Variants in DZANK1 observed in about 807,000 individuals in gnomAD.
DZANK1 encodes the protein double zinc ribbon and ankyrin repeat-containing protein 1.
Under a neutral mutation model 94.5 loss-of-function variants are expected in DZANK1, and 91 were observed. The ratio of observed to expected loss-of-function variants is 0.96; its 90% CI spans 0.81 to 1.15. The LOEUF is 1.15. DZANK1 is among the 50% of genes most tolerant of loss of function. The pLI, the probability that DZANK1 is intolerant of heterozygous loss-of-function variation, is 0.00. For missense variants in DZANK1, 903 were observed against 916.4 expected (o/e 0.99, Z 0.19); for synonymous variants, 312 against 325.3 (o/e 0.96, Z 0.44).
chr20:18,415,203 T>G (rs2057431396), intron 11 of DZANK1, 124 bp downstream of exon 11: 3 of 976,774 alleles, frequency 3.1e-6, no homozygotes, highest in African/African-American at 1.7e-5. Flanking sequence ...GATTCTTAGG[T>G]TATAGGTACC....
rs554069411 is a variant in DZANK1 at position 18,463,242 on chromosome 20, A to C, written c.109+2008T>G. On this transcript the variant is annotated intron_variant, in intron 2 of 20. Coordinates refer to ENST00000262547, the Ensembl canonical transcript of DZANK1. ...GATATAGTTGGAGGTCATAATCCTA[A>C]GCGAATTAACACAGGAACAGAAAAC... is the stretch of plus-strand genomic sequence containing the variant. 3.9e-5 allele frequency among the ~76,000 whole-genome samples: 6 copies of C among 152,356 alleles called. No homozygotes were observed. In the South Asian group the frequency reaches 1.2e-3, roughly 32 times the overall value.
chr20:18,446,676 G>A (rs1002830355), intron 7 of DZANK1, among the ~76,000 whole-genome samples: 83 of 152,274 alleles, frequency 5.5e-4, no homozygotes, highest in African/African-American at 1.9e-3. Flanking sequence ...AATCTAATGT[G>A]TAGTTAAAAA....
intron 17 of DZANK1, among the ~76,000 whole-genome samples, chr20:18,392,477 G>A (rs949933446): frequency 6.6e-6 from 1 of 152,182 alleles, no homozygotes; most frequent in African/African-American, 2.4e-5. Flanking sequence ...AACCACACAT[G>A]GAGGGAAGCA....
chr20:18,451,965 G>T (rs780725092), intron 6 of DZANK1: 7 of 516,692 alleles, frequency 1.4e-5, no homozygotes, highest in South Asian at 4.2e-5. Flanking sequence ...TGTCTTGCCT[G>T]CCAAACAGAT....
intron 4 of DZANK1, 89 bp downstream of exon 4, chr20:18,455,158 T>C: frequency 1.1e-6 from 1 of 889,716 alleles, no homozygotes; most frequent in Non-Finnish European, 1.8e-6. Context: ...TGAGCAGAGG[T>C]AAGGTAATAA....
At chr20:18,389,641 G>A in intron 19 of DZANK1, 60 bp downstream of exon 19, 1 of 1,600,406 alleles carries the variant, frequency 6.2e-7, no homozygotes, top group South Asian at 1.1e-5. Flanking sequence ...CTGCTGCAGT[G>A]GAGCTCCAAG....
At chr20:18,440,627 C>A (rs2148670994) in intron 8 of DZANK1, among the ~76,000 whole-genome samples, 1 of 152,280 alleles carries the variant, frequency 6.6e-6, no homozygotes, top group East Asian at 1.9e-4. Flanking sequence ...CCACCCACAA[C>A]CCCCTGTGAG....
In DZANK1 at chr20:18,436,005, C is replaced by A. The variant is rs142041339; in HGVS notation, c.748-2240G>T. ...ACTACCTGACGCAGTCAAGAAAAAA[C>A]TTATGAGACATGCAAAAAATAAAGT... On this transcript the variant is annotated intron_variant, in intron 8 of 20. Coordinates refer to ENST00000262547, the Ensembl canonical transcript of DZANK1. Among the ~76,000 whole-genome samples, 360 of 152,090 alleles carry A rather than the reference C, an allele frequency of 2.4e-3. 4 individuals are homozygous for A. Among genetic ancestry groups the A allele is most frequent in the Admixed American group, 0.02 (302 of 15,286 alleles).
At chr20:18,394,906 G>C (rs1051861127) in intron 15 of DZANK1, 2 of 456,432 alleles carry the variant, frequency 4.4e-6, no homozygotes, top group Admixed American at 2.4e-5. Flanking sequence ...TGTCGTGAAA[G>C]CAAAATGCAG....
intron 13 of DZANK1, among the ~76,000 whole-genome samples, chr20:18,405,297 A>C (rs1294494979): frequency 6.6e-6 from 1 of 152,248 alleles, no homozygotes; most frequent in Non-Finnish European, 1.5e-5. Flanking sequence ...GTAGCAGAAA[A>C]GTACAATAAC....
intron 2 of DZANK1, among the ~76,000 whole-genome samples, chr20:18,461,048 T>C (rs2059456230): frequency 6.6e-6 from 1 of 152,220 alleles, no homozygotes; most frequent in Admixed American, 6.5e-5. Flanking sequence ...TATGCTCTTT[T>C]GCCTCTCCAA....
Position 18,390,422 on chromosome 20 carries a change from G to A in DZANK1, c.1847C>T (p.Thr616Met), listed in dbSNP as rs377578241. Residue 616 changes from threonine to methionine, a missense_variant, in exon 18 of 21, where the codon ACG becomes ATG. Physicochemically the swap from Thr to Met is moderately conservative, Grantham distance 81 (BLOSUM62 -1). Transcript: ENST00000262547. ...AATCACAGAGACTCTTCCTTCCCCC[G>A]TGGGTCCGACTTCCTTCAGCAGGAG... The A allele has an allele frequency of 1.3e-5, 21 of 1,613,814 alleles. No individual in the cohort carries two copies. The highest frequency in any genetic ancestry group is 6.6e-5 in the South Asian group (6 of 91,082).
At chr20:18,455,504 T>C in intron 3 of DZANK1, 143 bp from the exon 4 acceptor site, 1 of 677,958 alleles carries the variant, frequency 1.5e-6, no homozygotes, top group South Asian at 1.7e-5. Context: ...AAATGTAATT[T>C]CTATAGTCTT....
chr20:18,449,904 C>G (rs1442022008), intron 6 of DZANK1, among the ~76,000 whole-genome samples: 1 of 151,246 alleles, frequency 6.6e-6, no homozygotes, highest in Non-Finnish European at 1.5e-5. Context: ...CATGGAGAAA[C>G]CCCGTCTCTA....
chr20:18,388,535 C>T (rs375546409), intron 19 of DZANK1, among the ~76,000 whole-genome samples: 2 of 152,138 alleles, frequency 1.3e-5, no homozygotes, highest in East Asian at 1.9e-4. Flanking sequence ...TACTTAAATG[C>T]TATTTAAAAA....
At chr20:18,434,808 T>G (rs997782073) in intron 8 of DZANK1, among the ~76,000 whole-genome samples, 53 of 151,980 alleles carry the variant, frequency 3.5e-4, no homozygotes, top group African/African-American at 1.3e-3. Context: ...TGGGCAAGGA[T>G]CACTTGATTT....
chr20:18,416,462 A>G (rs756869313), intron 10 of DZANK1, among the ~76,000 whole-genome samples: 8 of 152,352 alleles, frequency 5.3e-5, no homozygotes, highest in South Asian at 4.1e-4. Flanking sequence ...ACCTTGGCAC[A>G]TGGGAGTCAT....
chr20:18,403,674 C>A lies in DZANK1; in HGVS notation c.1433-5048G>T, dbSNP rs2056800340. On this transcript the variant is annotated intron_variant, in intron 13 of 20. Coordinates refer to ENST00000262547, the Ensembl canonical transcript of DZANK1. ...TCCTGAGGTAAGAAAAATATTCAAA[C>A]ACTGACCTAAAAAACAATCCCTGTA... Among the ~76,000 whole-genome samples the A allele has an allele frequency of 2.6e-5, 4 of 151,970 alleles. No homozygotes were observed. In the South Asian group the frequency reaches 6.2e-4, roughly 24 times the overall value.
intron 6 of DZANK1, among the ~76,000 whole-genome samples, chr20:18,450,881 A>G (rs768562387): frequency 6.6e-6 from 1 of 152,150 alleles, no homozygotes; most frequent in Non-Finnish European, 1.5e-5. Context: ...ATAGTAGGCA[A>G]CTAGTGTAAG....
Sources: gnomAD v4.1 joint callset for allele counts (sites outside exome capture counted in the v4.1 genomes callset) on GRCh38, gnomAD v4.1.1 for gene constraint, MANE v1.5 for transcripts, NCBI Gene and HGNC (gene_info 2026-07-23, HGNC 2026-07-21) for gene names.